The following SMIM8 variants were observed in gnomAD, a reference collection of about 807,000 sequenced individuals.
SMIM8 encodes the protein UPF0708 protein C6orf162.
SMIM8 carries 8 observed loss-of-function variants against 8.1 expected under a neutral mutation model. The ratio of observed to expected loss-of-function variants is 0.99; its 90% CI spans 0.58 to 1.78. SMIM8 has a LOEUF of 1.78. SMIM8 is among the 40% of genes most tolerant of loss of function. The probability of loss-of-function intolerance (pLI) is 0.00; values close to 1 mark genes in which losing one functional copy is unlikely to be tolerated. For synonymous variants in SMIM8, 45 were observed against 39.7 expected (o/e 1.13, Z -0.50); for missense variants, 126 against 119.8 (o/e 1.05, Z -0.24).
At chr6:87,335,409 G>A (rs937031307) in intron 2 of SMIM8, among the ~76,000 whole-genome samples, 2 of 152,116 alleles carry the variant, frequency 1.3e-5, no homozygotes, top group Admixed American at 6.5e-5. Context: ...TGGTGATAGC[G>A]ATGAAGAAGG....
In SMIM8 at chr6:87,323,560, T is replaced by C. The variant is rs542381581; in HGVS notation, c.-45+928T>C. Among the ~76,000 whole-genome samples, 519 of 152,064 alleles carry C rather than the reference T, an allele frequency of 3.4e-3. 5 individuals carry two copies. Among genetic ancestry groups the C allele is most frequent in the Non-Finnish European group, 4.7e-3 (320 of 67,996 alleles). ...TGTTCTTGCGATAGTTTACTGAGAATGATGATTTCCAATTTCATCCATGTC... is the reference window on the plus strand; with the variant it reads ...TGTTCTTGCGATAGTTTACTGAGAACGATGATTTCCAATTTCATCCATGTC... On this transcript the variant is annotated intron_variant, in intron 1 of 3. Coordinates refer to ENST00000392863, the MANE Select transcript of SMIM8 (RefSeq NM_001042493.3).
chr6:87,339,881 G>A (rs910403109), intron 3 of SMIM8, among the ~76,000 whole-genome samples: 15 of 152,192 alleles, frequency 9.9e-5, no homozygotes, highest in Admixed American at 6.5e-4. Context: ...TGTCCAGGGT[G>A]TAGATGGGAG....
intron 1 of SMIM8, among the ~76,000 whole-genome samples, chr6:87,324,672 G>A (rs1002027161): frequency 2.0e-5 from 3 of 151,272 alleles, no homozygotes; most frequent in African/African-American, 7.3e-5. Flanking sequence ...GGTTACTGTA[G>A]CCTTGTAGTA....
intron 3 of SMIM8, 132 bp from the exon 4 acceptor site, chr6:87,339,984 T>C (rs1185218669): frequency 3.2e-6 from 2 of 618,778 alleles, no homozygotes; most frequent in Non-Finnish European, 5.2e-6. Flanking sequence ...ATGATTTTAA[T>C]TGAAATATTG....
intron 2 of SMIM8, among the ~76,000 whole-genome samples, chr6:87,334,723 T>C (rs1208383796): frequency 6.6e-6 from 1 of 152,240 alleles, no homozygotes; most frequent in East Asian, 1.9e-4. Flanking sequence ...TCTACTGTAA[T>C]GCATTTTGGA....
intron 1 of SMIM8, among the ~76,000 whole-genome samples, chr6:87,323,799 A>G (rs1776738907): frequency 6.6e-6 from 1 of 151,942 alleles, no homozygotes; most frequent in Non-Finnish European, 1.5e-5. Flanking sequence ...CAGTAATGGG[A>G]TGGCTGGGTC....
At chr6:87,338,148 A>G (rs1454362875) in intron 3 of SMIM8, among the ~76,000 whole-genome samples, 2 of 152,214 alleles carry the variant, frequency 1.3e-5, no homozygotes, top group Non-Finnish European at 2.9e-5. Context: ...TTTAATTGCT[A>G]AAAGCATTTC....
intron 1 of SMIM8, among the ~76,000 whole-genome samples, chr6:87,323,903 G>A (rs1017953046): frequency 3.9e-5 from 6 of 152,094 alleles, no homozygotes; most frequent in Non-Finnish European, 7.4e-5. Context: ...GTGTAAAAGT[G>A]TTCCTGTTTC....
At chr6:87,338,614 A>T (rs1199455897) in intron 3 of SMIM8, among the ~76,000 whole-genome samples, 1 of 152,196 alleles carries the variant, frequency 6.6e-6, no homozygotes, top group Admixed American at 6.5e-5. Flanking sequence ...TTAGCTCAAG[A>T]CATGACTACT....
chr6:87,337,207 A>G (rs370763101), intron 3 of SMIM8, 41 bp downstream of exon 3: 10 of 1,527,076 alleles, frequency 6.5e-6, no homozygotes, highest in Admixed American at 2.1e-5. Flanking sequence ...GTTTAATCCA[A>G]CCAGACTGTC....
At chr6:87,326,512 A>G (rs1421260249) in intron 1 of SMIM8, among the ~76,000 whole-genome samples, 1 of 151,528 alleles carries the variant, frequency 6.6e-6, no homozygotes, top group African/African-American at 2.4e-5. Context: ...TTCTGCCTTC[A>G]GTTCGTTATG....
In SMIM8 at chr6:87,322,631, A is replaced by C. The variant is rs1481532242; in HGVS notation, c.-46A>C. 1 of 152,234 alleles carries C rather than the reference A, an allele frequency of 6.6e-6. No homozygotes were observed. The highest frequency in any genetic ancestry group is 1.5e-5 in the Non-Finnish European group (1 of 68,146). 9.4% of individuals were successfully genotyped at this position (152,234 alleles called of 1,614,324 possible). ...CGAGGAGAGGAGGTGACCCCGCGAA[A>C]GGTAAGCGGCGGCTTCGGTGGTGTT... On this transcript the variant is annotated splice_region_variant and 5_prime_UTR_variant, in exon 1 of 4. Transcript: ENST00000392863.
chr6:87,324,847 A>T (rs1776776728), intron 1 of SMIM8, among the ~76,000 whole-genome samples: 1 of 152,230 alleles, frequency 6.6e-6, no homozygotes. Flanking sequence ...TTGAATCTGT[A>T]AATTACCTTG....
chr6:87,340,298 C>T lies in SMIM8; in HGVS notation c.*24C>T. The T allele has an allele frequency of 1.3e-6, 2 of 1,538,346 alleles. No homozygotes were observed. Among genetic ancestry groups the T allele is most frequent in the Non-Finnish European group, 1.7e-6 (2 of 1,148,374 alleles). On this transcript the variant is annotated 3_prime_UTR_variant, in exon 4 of 4. Coordinates refer to ENST00000392863, the MANE Select transcript of SMIM8 (RefSeq NM_001042493.3). ...AGTAGTGCTGGTTAGTGCAGATGGA[C>T]CTTTATTAAAGGTTCTGAAATCTTC... is the stretch of plus-strand genomic sequence containing the variant.
intron 1 of SMIM8, among the ~76,000 whole-genome samples, chr6:87,324,985 C>T (rs1471070833): frequency 6.6e-6 from 1 of 152,010 alleles, no homozygotes; most frequent in Non-Finnish European, 1.5e-5. Context: ...AGGTCCTTCA[C>T]ATCCCTTGTA....
At chr6:87,339,369 T>A (rs1226008663) in intron 3 of SMIM8, among the ~76,000 whole-genome samples, 1 of 118,202 alleles carries the variant, frequency 8.5e-6, no homozygotes, top group African/African-American at 3.2e-5. Flanking sequence ...TGTGTGTGTG[T>A]GTGAAATCCT....
chr6:87,334,903 A>G (rs117162591), intron 2 of SMIM8, among the ~76,000 whole-genome samples: 5,673 of 152,270 alleles, frequency 0.037, 162 homozygotes, highest in Non-Finnish European at 0.054. Context: ...CCAGTAGACA[A>G]TTGGTCTGCC....
chr6:87,328,776 C>T (rs1468106072), intron 1 of SMIM8, among the ~76,000 whole-genome samples: 1 of 152,188 alleles, frequency 6.6e-6, no homozygotes, highest in Non-Finnish European at 1.5e-5. Context: ...GTGGTGGGCT[C>T]CACCCAGTTC....
At position 87,341,422 on chromosome 6, in the gene SMIM8, T is replaced by C. The variant is rs1246197023; in HGVS notation, c.*1148T>C. On this transcript the variant is annotated 3_prime_UTR_variant, in exon 4 of 4. Transcript: ENST00000392863. ...GACAGAGGTCAAGGCTAGGCCCCTG[T>C]GTCTGGCCAGATTCTGCCTTATAGA... is the stretch of plus-strand genomic sequence containing the variant. 2.5e-6 allele frequency: 1 copy of C among 396,732 alleles called. No homozygotes were observed. The highest frequency in any genetic ancestry group is 6.3e-4 in the Middle Eastern group (1 of 1,576). 24.6% of individuals were successfully genotyped at this position (396,732 alleles called of 1,614,324 possible).
Sources: gnomAD v4.1 joint callset for allele counts (sites outside exome capture counted in the v4.1 genomes callset) on GRCh38, gnomAD v4.1.1 for gene constraint, MANE v1.5 for transcripts, NCBI Gene and HGNC (gene_info 2026-07-23, HGNC 2026-07-21) for gene names.